Variants in RAB23 observed in about 807,000 individuals in gnomAD.
RAB23 encodes RAB23, member RAS oncogene family.
In RAB23, 15 loss-of-function variants were observed where a neutral mutation model predicts 30.0. The ratio of observed to expected loss-of-function variants is 0.50; its 90% CI spans 0.33 to 0.77. The LOEUF (loss-of-function observed/expected upper bound fraction) is 0.77, where lower values mean the gene tolerates loss of function less well. Ranked by LOEUF, RAB23 falls within the 30% of genes least tolerant of loss-of-function variation. RAB23 has a pLI of 0.02. For missense variants in RAB23, 243 were observed against 275.4 expected (o/e 0.88, Z 0.83); for synonymous variants, 93 against 94.0 (o/e 0.99, Z 0.06).
rs1040461 is a variant in RAB23, at chr6:57,190,556, C to T, written c.619G>A (p.Gly207Ser). 139,852 of 1,613,576 alleles carry T rather than the reference C, an allele frequency of 0.087. 7,009 individuals carry two copies. The highest frequency in any genetic ancestry group is 0.18 in the African/African-American group (13,484 of 74,966). ...ATGACATCTCCACCATTGAGGGTAC[C>T]TGAATTCTGACCGGAGTGACTTCCA... ...SGGSHSGQNS[G>S]TLNGGDVINL... The change falls in exon 7 of 7, where the codon GGT (glycine) becomes AGT (serine). Residue 207 changes from glycine (G) to serine (S), a missense_variant. Transcript: ENST00000468148.
At chr6:57,191,530 A>G (rs1348511912) in intron 6 of RAB23, among the ~76,000 whole-genome samples, 1 of 150,170 alleles carries the variant, frequency 6.7e-6, no homozygotes, top group Non-Finnish European at 1.5e-5. Context: ...GCTCACCGCA[A>G]CTTCCGCCTC....
At position 57,188,635 on chromosome 6, in the gene RAB23, A is replaced by G. The variant is rs1225628842; in HGVS notation, c.*1826T>C. ...AAAAGATGACTCATTAGCAGTATCCACTGTTTGTTAGGAACTGAATTTTGC... is the reference window on the plus strand; with the variant it reads ...AAAAGATGACTCATTAGCAGTATCCGCTGTTTGTTAGGAACTGAATTTTGC... On this transcript the variant is annotated 3_prime_UTR_variant, in exon 7 of 7. Coordinates refer to ENST00000468148, the MANE Select transcript of RAB23 (RefSeq NM_016277.5). The G allele has an allele frequency of 3.3e-5, 5 of 151,698 alleles. No homozygotes were observed. Among genetic ancestry groups the G allele is most frequent in the African/African-American group, 1.2e-4 (5 of 41,068 alleles). The allele number at this position is 151,698 out of a possible 1,614,324, so 9.4% of individuals were successfully genotyped here.
At position 57,188,757 on chromosome 6, in the gene RAB23, C is replaced by CATT. The variant is rs1764714095; in HGVS notation, c.*1701_*1703dup. The CATT allele has an allele frequency of 2.0e-5, 3 of 152,260 alleles. No individual in the cohort carries two copies. Among genetic ancestry groups the CATT allele is most frequent in the African/African-American group, 4.8e-5 (2 of 41,550 alleles). 9.4% of individuals were successfully genotyped at this position (152,260 alleles called of 1,614,324 possible). ...TACTGTGAAATAGATAATGCCAGAT[C>CATT]ATTTCAATATAATGAAAAGCAAAAA... On this transcript the variant is annotated 3_prime_UTR_variant, in exon 7 of 7. Coordinates refer to ENST00000468148, the MANE Select transcript of RAB23 (RefSeq NM_016277.5).
intron 1 of RAB23, among the ~76,000 whole-genome samples, chr6:57,219,271 G>T (rs1169445498): frequency 6.6e-6 from 1 of 152,180 alleles, no homozygotes. Context: ...AGGTATAAAT[G>T]TAACAAAACA....
Position 57,190,504 on chromosome 6 carries a change from GT to G in RAB23, c.670del (p.Thr224ProfsTer23). On this transcript the variant is annotated frameshift_variant, in exon 7 of 7. Transcript: ENST00000468148. LOFTEE classifies it high-confidence loss of function. ...VINLRPNKQR[T>X]KKNRNPFSSC... ...GCTAAAAGGATTTCTGTTTTTCTTG[GT>G]CCTTTGTTTGTTGGGTCTAAGATTG... 1 of 1,614,016 alleles carries G rather than the reference GT, an allele frequency of 6.2e-7. No homozygotes were observed. The highest frequency in any genetic ancestry group is 8.5e-7 in the Non-Finnish European group (1 of 1,179,948).
chr6:57,212,707 C>T (rs1185525542), intron 1 of RAB23, among the ~76,000 whole-genome samples: 2 of 149,688 alleles, frequency 1.3e-5, no homozygotes, highest in South Asian at 2.1e-4. Flanking sequence ...CATGTGAGTC[C>T]CTGTCTCTAC....
At chr6:57,196,409 T>C (rs1009760132) in intron 4 of RAB23, 41 bp downstream of exon 4, 2 of 1,610,340 alleles carry the variant, frequency 1.2e-6, no homozygotes, top group African/African-American at 1.3e-5. Flanking sequence ...CTTAACTTTA[T>C]AGAATTACTG....
In RAB23 at chr6:57,207,152, T is replaced by A. The variant is rs1346265165; in HGVS notation, c.241+476A>T. Among the ~76,000 whole-genome samples the A allele has an allele frequency of 3.3e-5, 5 of 152,344 alleles. No homozygotes were observed. In the East Asian group the frequency reaches 9.6e-4, roughly 29 times the overall value. On this transcript the variant is annotated intron_variant, in intron 3 of 6. Coordinates refer to ENST00000468148, the MANE Select transcript of RAB23 (RefSeq NM_016277.5). ...GCCTTTTAAGAAATTTTAGCCCACA[T>A]TTTAGAGCTTTAAATTCTTTAGTCA...
intron 1 of RAB23, among the ~76,000 whole-genome samples, chr6:57,211,952 T>G (rs1765672684): frequency 6.6e-6 from 1 of 152,214 alleles, no homozygotes; most frequent in Admixed American, 6.5e-5. Context: ...TCCCTAATAG[T>G]CTCAGCAATT....
chr6:57,204,411 G>C (rs1433946761), intron 3 of RAB23, among the ~76,000 whole-genome samples: 1 of 152,028 alleles, frequency 6.6e-6, no homozygotes, highest in Non-Finnish European at 1.5e-5. Context: ...CATTAAAGAA[G>C]ACTTCCATGA....
In RAB23 at chr6:57,222,251, GT is replaced by G. The variant is rs1165069488; in HGVS notation, c.-592del. On this transcript the variant is annotated 5_prime_UTR_variant, in exon 1 of 7. An upstream open reading frame in the 5' UTR loses its in-frame stop. Transcript: ENST00000468148. ...CTCAGCAGCAGCTCCGCCGGGGGTG[GT>G]GGGGCGCGGGAGTCTCGACTCCCCT... 6.6e-6 allele frequency: 1 copy of G among 152,610 alleles called. No individual in the cohort carries two copies. The highest frequency in any genetic ancestry group is 2.4e-5 in the African/African-American group (1 of 41,466). 9.5% of individuals were successfully genotyped at this position (152,610 alleles called of 1,614,324 possible).
intron 1 of RAB23, among the ~76,000 whole-genome samples, chr6:57,215,092 G>C (rs988722770): frequency 3.9e-5 from 6 of 152,188 alleles, no homozygotes; most frequent in African/African-American, 1.4e-4. Flanking sequence ...GAAAGAATTA[G>C]TGAACTTGAA....
chr6:57,216,979 T>G (rs1302675608), intron 1 of RAB23, among the ~76,000 whole-genome samples: 1 of 152,218 alleles, frequency 6.6e-6, no homozygotes, highest in Non-Finnish European at 1.5e-5. Flanking sequence ...TACTGCATCC[T>G]GTTTTGTCAG....
At chr6:57,210,470 T>TGTG (rs1765613463) in intron 1 of RAB23, 25 bp from the exon 2 acceptor site, 6 of 1,328,568 alleles carry the variant, frequency 4.5e-6, no homozygotes, top group Non-Finnish European at 6.5e-6. Flanking sequence ...GAAATTATTT[T>TGTG]TTCATAACAC....
Position 57,208,225 on chromosome 6 carries a change from C to T in RAB23, c.156-512G>A, listed in dbSNP as rs76843775. ...GTTTTTTTCTTTGACACAGTCACAG[C>T]GTAGTGGTGGTCTAAGATTAACGTT... On this transcript the variant is annotated intron_variant, in intron 2 of 6. Coordinates refer to ENST00000468148, the MANE Select transcript of RAB23 (RefSeq NM_016277.5). Among the ~76,000 whole-genome samples, 542 of 152,190 alleles carry T rather than the reference C, an allele frequency of 3.6e-3. 6 individuals are homozygous for T. The East Asian group carries it at 0.039, about 11-fold the overall frequency.
At chr6:57,205,017 C>T (rs923004253) in intron 3 of RAB23, among the ~76,000 whole-genome samples, 2 of 150,996 alleles carry the variant, frequency 1.3e-5, no homozygotes, top group South Asian at 2.1e-4. Flanking sequence ...TACATAGATA[C>T]ATACATATAT....
At chr6:57,216,596 G>A (rs923015757) in intron 1 of RAB23, among the ~76,000 whole-genome samples, 6 of 152,182 alleles carry the variant, frequency 3.9e-5, no homozygotes, top group Middle Eastern at 3.2e-3. Context: ...TCAAGGGTGA[G>A]CCGACAGAGT....
At chr6:57,220,273 T>C (rs1170631459) in intron 1 of RAB23, among the ~76,000 whole-genome samples, 1 of 152,186 alleles carries the variant, frequency 6.6e-6, no homozygotes, top group Non-Finnish European at 1.5e-5. Flanking sequence ...TGGGAGTATG[T>C]GGAGCAACTA....
In RAB23 at chr6:57,190,016, C is replaced by T. The variant is rs1463897267; in HGVS notation, c.*445G>A. The T allele has an allele frequency of 4.8e-6, 1 of 209,154 alleles. No homozygotes were observed. Among genetic ancestry groups the T allele is most frequent in the African/African-American group, 2.4e-5 (1 of 42,310 alleles). 13.0% of individuals were successfully genotyped at this position (209,154 alleles called of 1,614,324 possible). On this transcript the variant is annotated 3_prime_UTR_variant, in exon 7 of 7. Transcript: ENST00000468148. ...CTGGCAAGATTTAGGGTTTACCTTT[C>T]AGTATTATTTTGTGAAAGTATTCAG...
Sources: gnomAD v4.1 joint callset for allele counts (sites outside exome capture counted in the v4.1 genomes callset) on GRCh38, gnomAD v4.1.1 for gene constraint, MANE v1.5 for transcripts, NCBI Gene and HGNC (gene_info 2026-07-23, HGNC 2026-07-21) for gene names.